KCNS3: variants seen among roughly 807,000 people sequenced by gnomAD.
KCNS3 encodes delayed-rectifier potassium channel regulatory subunit KCNS3.
Under a neutral mutation model 31.0 loss-of-function variants are expected in KCNS3, and 13 were observed. That is an observed-to-expected ratio of 0.42 (90% CI 0.27 to 0.67). The LOEUF (loss-of-function observed/expected upper bound fraction) is 0.67, where lower values mean the gene tolerates loss of function less well. KCNS3 is among the 30% of genes least tolerant of loss of function. The probability of loss-of-function intolerance (pLI) is 0.25; values close to 1 mark genes in which losing one functional copy is unlikely to be tolerated. For missense variants in KCNS3, 545 were observed against 622.4 expected (o/e 0.88, Z 1.32); for synonymous variants, 238 against 241.5 (o/e 0.99, Z 0.13).
In KCNS3 at chr2:17,913,271, A is replaced by G. The variant is rs141339685; in HGVS notation, c.-251-4409A>G. Among the ~76,000 whole-genome samples, 906 of 152,354 alleles carry G rather than the reference A, an allele frequency of 5.9e-3. 12 individuals are homozygous for G. The highest frequency in any genetic ancestry group is 0.021 in the African/African-American group (857 of 41,588). On this transcript the variant is annotated intron_variant, in intron 1 of 2. Coordinates refer to ENST00000304101, the MANE Select transcript of KCNS3 (RefSeq NM_002252.5). ...AGTAGGTCTGTCGTTGATGTATGGT[A>G]GCAAGACTACAAAACTGACATGAAT... is the stretch of plus-strand genomic sequence containing the variant.
chr2:17,932,365 A>T lies in KCNS3; in HGVS notation c.1357A>T (p.Thr453Ser), dbSNP rs1164170103. The stretch of plus-strand genomic sequence containing the variant: ...TGCACAGCGGATGCACACCTTCATT[A>T]CCAGTCTCTCTTCTGTAGGCATTGT... ...IYAQRMHTFI[T>S]SLSSVGIVVS... is the part of the protein sequence containing the mutation. The change falls in exon 3 of 3, where the codon ACC becomes TCC. Residue 453 changes from threonine (T) to serine (S), a missense_variant. Thr to Ser is a moderately conservative substitution (Grantham distance 58, BLOSUM62 1). Transcript: ENST00000304101. 6.2e-7 allele frequency: 1 copy of T among 1,614,042 alleles called. No homozygotes were observed. The highest frequency in any genetic ancestry group is 1.3e-5 in the African/African-American group (1 of 74,922).
In KCNS3 at chr2:17,888,637, A is replaced by ATCTATATC. The variant is rs1558446968; in HGVS notation, c.-252+9832_-252+9833insCTATATCT. Among the ~76,000 whole-genome samples, 132 of 70,748 alleles carry ATCTATATC rather than the reference A, an allele frequency of 1.9e-3. 4 individuals carry two copies. Among genetic ancestry groups the ATCTATATC allele is most frequent in the East Asian group, 0.014 (52 of 3,688 alleles). 46.4% of individuals were successfully genotyped at this position (70,748 alleles called of 152,430 possible). On this transcript the variant is annotated intron_variant, in intron 1 of 2. Coordinates refer to ENST00000304101, the MANE Select transcript of KCNS3 (RefSeq NM_002252.5). ...AGTATAATAAAAAAAATGTATATAT[A>ATCTATATC]TATATATATATATATATATATATAT...
intron 1 of KCNS3, among the ~76,000 whole-genome samples, chr2:17,913,037 C>T (rs1662506567): frequency 6.6e-6 from 1 of 152,124 alleles, no homozygotes; most frequent in Non-Finnish European, 1.5e-5. Flanking sequence ...ATGTTTGATT[C>T]TGATTGCTTT....
At chr2:17,891,809 G>A (rs1179604285) in intron 1 of KCNS3, among the ~76,000 whole-genome samples, 1 of 152,172 alleles carries the variant, frequency 6.6e-6, no homozygotes, top group Non-Finnish European at 1.5e-5. Flanking sequence ...TAATCTGATA[G>A]ATTTTCTTTT....
At chr2:17,894,619 G>C (rs964651248) in intron 1 of KCNS3, among the ~76,000 whole-genome samples, 34 of 152,204 alleles carry the variant, frequency 2.2e-4, no homozygotes, top group African/African-American at 8.2e-4. Flanking sequence ...ACATCAGGTA[G>C]AGAAAGCCAC....
rs1663031129 is a variant in KCNS3 at position 17,932,685 on chromosome 2, A to T, written c.*201A>T. On this transcript the variant is annotated 3_prime_UTR_variant, in exon 3 of 3. Transcript: ENST00000304101. Reference sequence around the variant, plus strand: ...AGGTCAATTAAATGCCTTGTTCTGAAATTTATTTTTTACAAGAGAGAGTTG... The same window carrying T: ...AGGTCAATTAAATGCCTTGTTCTGATATTTATTTTTTACAAGAGAGAGTTG... 3.6e-6 allele frequency: 2 copies of T among 553,370 alleles called. No homozygotes were observed. Among genetic ancestry groups the T allele is most frequent in the African/African-American group, 1.9e-5 (1 of 52,384 alleles). The allele number at this position is 553,370 out of a possible 1,614,324, so 34.3% of individuals were successfully genotyped here.
intron 1 of KCNS3, among the ~76,000 whole-genome samples, chr2:17,879,894 A>G (rs1674605001): frequency 6.6e-6 from 1 of 152,128 alleles, no homozygotes; most frequent in Non-Finnish European, 1.5e-5. Context: ...GAGGGGCGGT[A>G]GGTGTTCCTT....
intron 1 of KCNS3, among the ~76,000 whole-genome samples, chr2:17,889,690 G>A (rs1661792832): frequency 6.6e-6 from 1 of 152,066 alleles, no homozygotes; most frequent in South Asian, 2.1e-4. Context: ...ATGATCATGT[G>A]ATTTTTGTTT....
chr2:17,886,546 C>T (rs149598901), intron 1 of KCNS3, among the ~76,000 whole-genome samples: 2 of 152,122 alleles, frequency 1.3e-5, no homozygotes, highest in South Asian at 2.1e-4. Context: ...TCAGATGTTA[C>T]GAAGATGAGA....
At chr2:17,879,749 G>A (rs1005212872) in intron 1 of KCNS3, among the ~76,000 whole-genome samples, 27 of 152,174 alleles carry the variant, frequency 1.8e-4, no homozygotes, top group African/African-American at 6.5e-4. Context: ...GTCTCCCCCC[G>A]GTTTTGTCTG....
intron 2 of KCNS3, among the ~76,000 whole-genome samples, chr2:17,919,966 G>A (rs763482516): frequency 6.6e-6 from 1 of 152,098 alleles, no homozygotes; most frequent in African/African-American, 2.4e-5. Flanking sequence ...TTCTGTTTAC[G>A]TTTGCTTGGT....
intron 2 of KCNS3, among the ~76,000 whole-genome samples, chr2:17,926,182 A>G (rs1662833232): frequency 6.6e-6 from 1 of 152,232 alleles, no homozygotes; most frequent in East Asian, 1.9e-4. Flanking sequence ...TCCAGGTCAC[A>G]GTGATGCAAG....
At chr2:17,880,383 T>C (rs1393992996) in intron 1 of KCNS3, among the ~76,000 whole-genome samples, 1 of 152,256 alleles carries the variant, frequency 6.6e-6, no homozygotes, top group African/African-American at 2.4e-5. Flanking sequence ...AAATGGATGA[T>C]ATAATTTCTG....
intron 1 of KCNS3, among the ~76,000 whole-genome samples, chr2:17,899,220 G>T (rs893099405): frequency 6.6e-6 from 1 of 151,880 alleles, no homozygotes; most frequent in Non-Finnish European, 1.5e-5. Flanking sequence ...GTGAGACTCT[G>T]TCTCAAAAAT....
At chr2:17,922,881 G>C (rs184580145) in intron 2 of KCNS3, among the ~76,000 whole-genome samples, 4 of 151,544 alleles carry the variant, frequency 2.6e-5, no homozygotes, top group Non-Finnish European at 5.9e-5. Flanking sequence ...CCCCTTTTTC[G>C]CTATTATGAA....
chr2:17,899,029 C>G (rs1662098283), intron 1 of KCNS3, among the ~76,000 whole-genome samples: 1 of 152,064 alleles, frequency 6.6e-6, no homozygotes, highest in African/African-American at 2.4e-5. Context: ...AGATCGAGAC[C>G]ATCCCGGCCA....
rs77069239 is a variant in KCNS3 at position 17,881,663 on chromosome 2, A to G, written c.-252+2857A>G. Among the ~76,000 whole-genome samples the G allele has an allele frequency of 4.6e-3, 706 of 152,350 alleles. 2 individuals are homozygous for G. Among genetic ancestry groups the G allele is most frequent in the Non-Finnish European group, 8.5e-3 (580 of 68,030 alleles). On this transcript the variant is annotated intron_variant, in intron 1 of 2. Coordinates refer to ENST00000304101, the MANE Select transcript of KCNS3 (RefSeq NM_002252.5). ...CACCCAGCCCGGAAAAGGTGAAGCT[A>G]GGATTCTATCCCTTGCAGTCTGACT... is the stretch of plus-strand genomic sequence containing the variant.
At chr2:17,915,080 A>G (rs1662557604) in intron 1 of KCNS3, among the ~76,000 whole-genome samples, 1 of 152,156 alleles carries the variant, frequency 6.6e-6, no homozygotes, top group Non-Finnish European at 1.5e-5. Context: ...GGAGGCAGTC[A>G]TTTGTTCACT....
intron 2 of KCNS3, among the ~76,000 whole-genome samples, chr2:17,921,957 A>ATATG (rs1253849162): frequency 3.6e-5 from 5 of 137,904 alleles, no homozygotes; most frequent in Non-Finnish European, 7.8e-5. Flanking sequence ...ATATATATAT[A>ATATG]TAAATACATA....
Sources: gnomAD v4.1 joint callset for allele counts (sites outside exome capture counted in the v4.1 genomes callset) on GRCh38, gnomAD v4.1.1 for gene constraint, MANE v1.5 for transcripts, NCBI Gene and HGNC (gene_info 2026-07-23, HGNC 2026-07-21) for gene names.